Variants in ADGB observed in about 807,000 individuals in gnomAD.
ADGB encodes androglobin.
ADGB carries 172 observed loss-of-function variants against 210.5 expected under a neutral mutation model. The ratio of observed to expected loss-of-function variants is 0.82; its 90% CI spans 0.72 to 0.93. The LOEUF is 0.93. Ranked by LOEUF, ADGB falls within the 40% of genes least tolerant of loss-of-function variation. The pLI is 0.00. For synonymous variants in ADGB, 658 were observed against 662.7 expected, an observed-to-expected ratio of 0.99 and a Z score of 0.11; for missense variants, 2,025 against 1,964.8, an observed-to-expected ratio of 1.03 and a Z score of -0.58.
intron 33 of ADGB, among the ~76,000 whole-genome samples, chr6:146,791,817 G>A (rs1172950385): frequency 1.3e-5 from 2 of 151,852 alleles, no homozygotes; most frequent in Non-Finnish European, 2.9e-5. Context: ...GGAGTTCAGT[G>A]GCACAATAAC....
At chr6:146,690,877 A>G (rs1293859089) in intron 10 of ADGB, among the ~76,000 whole-genome samples, 4 of 152,256 alleles carry the variant, frequency 2.6e-5, no homozygotes, top group Middle Eastern at 3.4e-3. Context: ...TTAGAACTGA[A>G]AAGTGTATTC....
At chr6:146,632,578 T>C (rs1007014571) in intron 1 of ADGB, among the ~76,000 whole-genome samples, 1 of 152,190 alleles carries the variant, frequency 6.6e-6, no homozygotes, top group Non-Finnish European at 1.5e-5. Flanking sequence ...CTTTTCTCAG[T>C]GTTCACAGTT....
chr6:146,783,159 C>T (rs993594549), intron 30 of ADGB, among the ~76,000 whole-genome samples: 10 of 151,992 alleles, frequency 6.6e-5, no homozygotes, highest in African/African-American at 2.4e-4. Context: ...ATCTGGAAAA[C>T]AAAAGGTGGG....
At chr6:146,662,977 A>G (rs1323677638) in intron 5 of ADGB, among the ~76,000 whole-genome samples, 9 of 146,136 alleles carry the variant, frequency 6.2e-5, no homozygotes, top group Admixed American at 3.5e-4. Context: ...ATATGTTATA[A>G]TGTATATAAT....
chr6:146,806,928 A>C (rs1359321561), intron 35 of ADGB, among the ~76,000 whole-genome samples: 1 of 152,208 alleles, frequency 6.6e-6, no homozygotes, highest in African/African-American at 2.4e-5. Flanking sequence ...TCCTTGATGA[A>C]GAATGAAAGT....
At chr6:146,724,802 T>A (rs1776871012) in intron 18 of ADGB, 2 of 152,190 alleles carry the variant, frequency 1.3e-5, no homozygotes, top group Non-Finnish European at 2.9e-5. Context: ...TTTTGTTAGA[T>A]ATTATTTTTA....
intron 5 of ADGB, 67 bp from the exon 6 acceptor site, chr6:146,664,134 C>T (rs1775904515): frequency 7.1e-7 from 1 of 1,404,692 alleles, no homozygotes; most frequent in Non-Finnish European, 9.5e-7. Context: ...CAGCCACGTG[C>T]AATCATTTAC....
chr6:146,747,399 C>G (rs9497615), intron 26 of ADGB, among the ~76,000 whole-genome samples: 6,688 of 152,196 alleles, frequency 0.044, 334 homozygotes, highest in African/African-American at 0.12. Flanking sequence ...TGAAATTTAA[C>G]CTACTACCTA....
In ADGB at chr6:146,657,945, A is replaced by G. The variant is rs914530725; in HGVS notation, c.612+965A>G. On this transcript the variant is annotated intron_variant, in intron 5 of 35. Transcript: ENST00000397944. ...CACACTAAATTAGCAATGCTAGATC[A>G]TATCAAACTCTTTGGGTTTTTCTTG... Among the ~76,000 whole-genome samples the G allele has an allele frequency of 6.6e-5, 10 of 152,362 alleles. 1 individual carries two copies. Among genetic ancestry groups the G allele is most frequent in the African/African-American group, 2.2e-4 (9 of 41,590 alleles).
intron 28 of ADGB, among the ~76,000 whole-genome samples, chr6:146,767,671 T>A (rs998896358): frequency 6.7e-6 from 1 of 149,492 alleles, no homozygotes; most frequent in Non-Finnish European, 1.5e-5. Context: ...AGGGGTTCTC[T>A]ACCATGTTGG....
intron 29 of ADGB, among the ~76,000 whole-genome samples, chr6:146,777,484 C>T (rs1301672386): frequency 6.6e-6 from 1 of 152,124 alleles, no homozygotes. Context: ...TAAAAGTAAA[C>T]CAGTGGTTCT....
intron 7 of ADGB, among the ~76,000 whole-genome samples, chr6:146,669,443 G>A (rs948474483): frequency 6.6e-6 from 1 of 151,836 alleles, no homozygotes; most frequent in African/African-American, 2.4e-5. Context: ...GACCTTCCCC[G>A]TCCACCACAC....
At chr6:146,650,597 CAAAAAAAAAAAAAAA>C (rs57913607) in intron 3 of ADGB, among the ~76,000 whole-genome samples, 5 of 36,558 alleles carry the variant, frequency 1.4e-4, no homozygotes, top group African/African-American at 2.7e-4. Flanking sequence ...TCCCTCCCAC[CAAAAAAAAAAAAAAA>C]AAAAAAAAAA....
intron 29 of ADGB, among the ~76,000 whole-genome samples, chr6:146,780,239 A>G (rs908195581): frequency 6.6e-6 from 1 of 152,150 alleles, no homozygotes; most frequent in Admixed American, 6.5e-5. Flanking sequence ...AATCTATACA[A>G]ACAAATAAAA....
intron 27 of ADGB, among the ~76,000 whole-genome samples, chr6:146,760,981 T>G (rs2114621807): frequency 6.6e-6 from 1 of 152,110 alleles, no homozygotes; most frequent in South Asian, 2.1e-4. Flanking sequence ...TCATATATTC[T>G]GTATCTTCTG....
intron 35 of ADGB, among the ~76,000 whole-genome samples, chr6:146,813,189 C>T (rs201383400): frequency 3.3e-5 from 5 of 152,260 alleles, no homozygotes; most frequent in East Asian, 3.9e-4. Flanking sequence ...TTTTCTCTTG[C>T]GGTAATCTGA....
intron 33 of ADGB, among the ~76,000 whole-genome samples, chr6:146,797,920 C>G (rs914483845): frequency 6.8e-6 from 1 of 146,092 alleles, no homozygotes; most frequent in Non-Finnish European, 1.5e-5. Context: ...ATTGATAATA[C>G]ATAAATAAAT....
chr6:146,778,579 C>G (rs886105283), intron 29 of ADGB, among the ~76,000 whole-genome samples: 2 of 152,162 alleles, frequency 1.3e-5, no homozygotes, highest in African/African-American at 4.8e-5. Context: ...CTCATTTAAA[C>G]AACCTTATTC....
chr6:146,724,130 G>T, intron 17 of ADGB, 56 bp from the exon 18 acceptor site: 1 of 1,446,240 alleles, frequency 6.9e-7, no homozygotes, highest in South Asian at 1.4e-5. Context: ...CAGTACTAGT[G>T]AATGCCAACT....
Sources: gnomAD v4.1 joint callset for allele counts (sites outside exome capture counted in the v4.1 genomes callset) on GRCh38, gnomAD v4.1.1 for gene constraint, MANE v1.5 for transcripts, NCBI Gene and HGNC (gene_info 2026-07-23, HGNC 2026-07-21) for gene names.